Variants in CTPS1 observed in about 807,000 individuals in gnomAD.
CTPS1 encodes CTP synthase 1.
A neutral mutation model predicts 80.5 loss-of-function variants in CTPS1; 25 were observed. That is an observed-to-expected ratio of 0.31 (90% CI 0.23 to 0.43). The LOEUF is 0.43. Ranked by LOEUF, CTPS1 falls within the 20% of genes least tolerant of loss-of-function variation. The probability of loss-of-function intolerance (pLI) is 1.00; values close to 1 mark genes in which losing one functional copy is unlikely to be tolerated. For missense variants in CTPS1, 442 were observed against 725.7 expected (o/e 0.61, Z 4.49); for synonymous variants, 267 against 252.5 (o/e 1.06, Z -0.54).
intron 1 of CTPS1, chr1:40,981,962 T>C: frequency 7.8e-7 from 1 of 1,288,040 alleles, no homozygotes; most frequent in Non-Finnish European, 1.0e-6. Context: ...CATGGAACGT[T>C]CCTGAGGAGG....
At chr1:40,980,110 T>G (rs1042704030) in intron 1 of CTPS1, 1 of 151,120 alleles carries the variant, frequency 6.6e-6, no homozygotes, top group East Asian at 1.9e-4. Flanking sequence ...CTTCAGAGGC[T>G]GCGGGGCCTG....
At chr1:41,009,673 A>G (rs1430548112) in intron 17 of CTPS1, 84 bp downstream of exon 17, 29 of 1,517,568 alleles carry the variant, frequency 1.9e-5, no homozygotes, top group Non-Finnish European at 2.3e-5. Context: ...AACACGTCAC[A>G]GTCAGTCATA....
At chr1:41,003,361 A>G (rs1642955886) in intron 12 of CTPS1, among the ~76,000 whole-genome samples, 185 bp downstream of exon 12, 1 of 152,162 alleles carries the variant, frequency 6.6e-6, no homozygotes. Flanking sequence ...CCATGCAGGA[A>G]GGAGGGAGCA....
intron 4 of CTPS1, among the ~76,000 whole-genome samples, chr1:40,987,686 A>G (rs1642490776): frequency 6.6e-6 from 1 of 152,228 alleles, no homozygotes; most frequent in Non-Finnish European, 1.5e-5. Flanking sequence ...TGTAGCATTT[A>G]TGGTACAATC....
intron 8 of CTPS1, 67 bp downstream of exon 8, chr1:40,996,135 A>G: frequency 6.4e-7 from 1 of 1,562,300 alleles, no homozygotes; most frequent in Non-Finnish European, 8.8e-7. Flanking sequence ...GGTGAAGCCG[A>G]CTCTAGCCCT....
At chr1:40,998,038 A>T (rs2148406798) in intron 9 of CTPS1, among the ~76,000 whole-genome samples, 1 of 152,186 alleles carries the variant, frequency 6.6e-6, no homozygotes, top group South Asian at 2.1e-4. Flanking sequence ...GCAGCAGCTG[A>T]GCTGGTGGAA....
chr1:41,010,300 C>A, intron 18 of CTPS1, 46 bp downstream of exon 18: 1 of 1,331,348 alleles, frequency 7.5e-7, no homozygotes, highest in Non-Finnish European at 1.1e-6. Flanking sequence ...ATGGTGATAA[C>A]ACACTGCGAT....
At chr1:40,989,533 C>T (rs1327614415) in intron 5 of CTPS1, among the ~76,000 whole-genome samples, 6 of 152,034 alleles carry the variant, frequency 3.9e-5, no homozygotes, top group Admixed American at 3.9e-4. Context: ...AATAAGCCAG[C>T]CAGATTTTCA....
chr1:40,995,447 G>A (rs1210232003), intron 7 of CTPS1, among the ~76,000 whole-genome samples: 1 of 147,922 alleles, frequency 6.8e-6, no homozygotes, highest in Non-Finnish European at 1.5e-5. Flanking sequence ...AGACTGGAGT[G>A]CAGTGGCACA....
intron 1 of CTPS1, among the ~76,000 whole-genome samples, chr1:40,981,504 A>C (rs1316762212): frequency 6.6e-6 from 1 of 152,308 alleles, no homozygotes; most frequent in Middle Eastern, 3.4e-3. Context: ...AGTAAGGTAT[A>C]TGTCTGGTTA....
chr1:41,006,089 C>T lies in CTPS1; in HGVS notation c.1291C>T (p.Pro431Ser), dbSNP rs1643026468. The T allele has an allele frequency of 6.2e-7, 1 of 1,613,300 alleles. No homozygotes were observed. Among genetic ancestry groups the T allele is most frequent in the Non-Finnish European group, 8.5e-7 (1 of 1,179,236 alleles). ...AGAGTTTGACCCTACGACCAGTCAT[C>T]CCGTGGTGAGTCAAGTGTTTGAACC... ...STEFDPTTSHPVVVDMPEHNP... is the reference protein window; with the variant it reads ...STEFDPTTSHSVVVDMPEHNP... Residue 431 changes from proline (P) to serine (S), a missense_variant, in exon 13 of 19, where the codon CCC (proline) becomes TCC (serine). By Grantham distance (74) the Pro-to-Ser change is moderately conservative. Around this residue, in one of 4 missense-constraint regions of CTPS1, gnomAD observed 321 missense variants for 467.2 expected, o/e 0.69. Transcript: ENST00000650070.
At chr1:41,000,974 A>G in intron 9 of CTPS1, 55 bp from the exon 10 acceptor site, 1 of 1,184,314 alleles carries the variant, frequency 8.4e-7, no homozygotes, top group Non-Finnish European at 1.2e-6. Context: ...AAAATTAAGA[A>G]CGCACAGCCT....
At chr1:41,002,045 A>G in intron 10 of CTPS1, 115 bp from the exon 11 acceptor site, 1 of 861,886 alleles carries the variant, frequency 1.2e-6, no homozygotes, top group Non-Finnish European at 2.0e-6. Context: ...ACAGTAGCAC[A>G]ATGTATGGGG....
At chr1:40,988,542 C>A in intron 4 of CTPS1, 52 bp from the exon 5 acceptor site, 3 of 1,218,260 alleles carry the variant, frequency 2.5e-6, no homozygotes, top group East Asian at 2.3e-5. Context: ...GAAAACTAAA[C>A]TGCCAGAGAA....
intron 2 of CTPS1, among the ~76,000 whole-genome samples, chr1:40,983,736 C>T (rs1311681833): frequency 6.6e-6 from 1 of 151,990 alleles, no homozygotes; most frequent in Non-Finnish European, 1.5e-5. Flanking sequence ...GATCCTCTCA[C>T]CTCAGCCTCC....
chr1:40,996,256 G>T (rs1422472302), intron 8 of CTPS1, 188 bp downstream of exon 8: 1 of 649,006 alleles, frequency 1.5e-6, no homozygotes, highest in Non-Finnish European at 2.6e-6. Context: ...CAGATGAGGA[G>T]ATCCTGATAG....
At position 40,998,287 on chromosome 1, in the gene CTPS1, A is replaced by G. The variant is rs563775583; in HGVS notation, c.1005+761A>G. Among the ~76,000 whole-genome samples the G allele has an allele frequency of 2.6e-5, 4 of 150,986 alleles. No individual in the cohort carries two copies. The East Asian group carries it at 7.9e-4, about 30-fold the overall frequency. On this transcript the variant is annotated intron_variant, in intron 9 of 18. Transcript: ENST00000650070. Reference sequence around the variant, plus strand: ...GTGGCATGTGCCTGTAGTCCTAGCTACTTGGGAGGCTGAGGCAGGAGAATT... The same window carrying G: ...GTGGCATGTGCCTGTAGTCCTAGCTGCTTGGGAGGCTGAGGCAGGAGAATT...
intron 7 of CTPS1, among the ~76,000 whole-genome samples, chr1:40,995,501 C>T (rs1233677637): frequency 6.6e-6 from 1 of 151,700 alleles, no homozygotes; most frequent in South Asian, 2.1e-4. Context: ...TCAAGTGATT[C>T]TCCCACCTCA....
At chr1:40,984,175 G>A (rs1642392672) in intron 2 of CTPS1, among the ~76,000 whole-genome samples, 1 of 152,198 alleles carries the variant, frequency 6.6e-6, no homozygotes, top group Non-Finnish European at 1.5e-5. Context: ...TTCTTGAGCA[G>A]AGGATGAGTT....
Sources: gnomAD v4.1 joint callset for allele counts (sites outside exome capture counted in the v4.1 genomes callset) on GRCh38, gnomAD v4.1.1 for gene constraint, gnomAD v4.1.1 regional missense constraint, MANE v1.5 for transcripts, NCBI Gene and HGNC (gene_info 2026-07-23, HGNC 2026-07-21) for gene names.